Variants in SYT1 observed in about 807,000 individuals in gnomAD.
SYT1 encodes synaptotagmin-1.
A neutral mutation model predicts 44.8 loss-of-function variants in SYT1; 8 were observed. That is an observed-to-expected ratio of 0.18 (90% CI 0.10 to 0.32). SYT1 has a LOEUF of 0.32. SYT1 is among the 10% of genes least tolerant of loss of function. The pLI is 1.00. For missense variants in SYT1, 286 were observed against 509.3 expected, an observed-to-expected ratio of 0.56 and a Z score of 4.22; for synonymous variants, 154 against 188.8, an observed-to-expected ratio of 0.82 and a Z score of 1.51.
At chr12:79,033,320 G>A (rs1170671312) in intron 2 of SYT1, among the ~76,000 whole-genome samples, 4 of 151,262 alleles carry the variant, frequency 2.6e-5, no homozygotes, top group Non-Finnish European at 4.4e-5. Context: ...GCACCCAATT[G>A]CTTCCTCTAG....
intron 3 of SYT1, among the ~76,000 whole-genome samples, chr12:79,161,176 G>C (rs1020936854): frequency 6.6e-6 from 1 of 152,146 alleles, no homozygotes; most frequent in African/African-American, 2.4e-5. Flanking sequence ...GGAGGCAAAG[G>C]TTGTAGTGAG....
intron 8 of SYT1, among the ~76,000 whole-genome samples, chr12:79,304,676 T>C (rs1409956339): frequency 1.3e-5 from 2 of 152,112 alleles, no homozygotes; most frequent in African/African-American, 4.8e-5. Flanking sequence ...GCCTACATCA[T>C]GGAAATTGAT....
intron 1 of SYT1, among the ~76,000 whole-genome samples, chr12:78,960,104 A>G (rs1024152220): frequency 6.6e-6 from 1 of 152,196 alleles, no homozygotes; most frequent in African/African-American, 2.4e-5. Context: ...TACATTAGTG[A>G]AGAAATTTAA....
intron 1 of SYT1, among the ~76,000 whole-genome samples, chr12:78,920,620 T>C (rs1876930546): frequency 6.6e-6 from 1 of 151,974 alleles, no homozygotes; most frequent in African/African-American, 2.4e-5. Context: ...CATAACCACA[T>C]TGAGAATAGA....
At position 79,371,798 on chromosome 12, in the gene SYT1, A is replaced by T. The variant is rs1250737357; in HGVS notation, c.928+18179A>T. ...GAGATAAAAAGTTTCATAGCATCTT[A>T]CCTTTTTCTTTTCTGCCCCTCCTTT... is the stretch of plus-strand genomic sequence containing the variant. On this transcript the variant is annotated intron_variant, in intron 9 of 10. Transcript: ENST00000261205. Among the ~76,000 whole-genome samples the T allele has an allele frequency of 3.3e-5, 5 of 152,280 alleles. No homozygotes were observed. The East Asian group carries it at 9.7e-4, about 29-fold the overall frequency.
rs771905815 is a variant in SYT1, at chr12:79,285,991, TTTC to T, written c.351+26_351+28del. 1.1e-5 allele frequency: 17 copies of T among 1,574,884 alleles called. No homozygotes were observed. The highest frequency in any genetic ancestry group is 2.4e-5 in the South Asian group (2 of 83,038). ...GATCAGGTAATGTATTCTTTCTACA[TTTC>T]TTCTTATTTTGTTTAAAAAAGATAA... On this transcript the variant is annotated intron_variant, in intron 5 of 10. Coordinates refer to ENST00000261205, the MANE Select transcript of SYT1 (RefSeq NM_005639.3).
At chr12:78,871,382 TG>T (rs1873812424) in intron 1 of SYT1, among the ~76,000 whole-genome samples, 2 of 152,030 alleles carry the variant, frequency 1.3e-5, no homozygotes, top group Admixed American at 1.3e-4. Context: ...TTGAATTGTC[TG>T]CTCTCTCTTT....
chr12:79,240,780 C>T (rs1183026207), intron 4 of SYT1, among the ~76,000 whole-genome samples: 1 of 152,194 alleles, frequency 6.6e-6, no homozygotes, highest in Non-Finnish European at 1.5e-5. Flanking sequence ...GCTAGCTTGA[C>T]ACATTCATTT....
intron 4 of SYT1, among the ~76,000 whole-genome samples, chr12:79,276,817 A>G (rs1878756442): frequency 6.6e-6 from 1 of 152,064 alleles, no homozygotes; most frequent in African/African-American, 2.4e-5. Flanking sequence ...TTTTAAGTTA[A>G]CCCAATCAGA....
At chr12:79,433,878 C>G (rs1214972780) in intron 9 of SYT1, among the ~76,000 whole-genome samples, 1 of 152,142 alleles carries the variant, frequency 6.6e-6, no homozygotes, top group Non-Finnish European at 1.5e-5. Flanking sequence ...GTGCTCCAAC[C>G]CTCACACTGA....
intron 4 of SYT1, among the ~76,000 whole-genome samples, chr12:79,274,144 T>C (rs1162899233): frequency 6.6e-6 from 1 of 152,194 alleles, no homozygotes; most frequent in East Asian, 1.9e-4. Flanking sequence ...TAATCTCAAG[T>C]GGGGATGAAC....
At chr12:79,249,387 A>AG (rs1272363672) in intron 4 of SYT1, among the ~76,000 whole-genome samples, 4 of 150,948 alleles carry the variant, frequency 2.6e-5, no homozygotes, top group Non-Finnish European at 4.4e-5. Flanking sequence ...TACAGGCTTG[A>AG]GCCACCGCGC....
intron 4 of SYT1, among the ~76,000 whole-genome samples, chr12:79,255,117 G>A (rs1216209337): frequency 6.6e-6 from 1 of 152,166 alleles, no homozygotes; most frequent in African/African-American, 2.4e-5. Context: ...AGTATCACAG[G>A]CTGCAGAGAA....
chr12:79,179,544 G>GATAT (rs879668657), intron 3 of SYT1, among the ~76,000 whole-genome samples: 2,679 of 24,178 alleles, frequency 0.11, 173 homozygotes, highest in African/African-American at 0.25. Flanking sequence ...TATAGATATA[G>GATAT]AGATATAGAT....
intron 3 of SYT1, among the ~76,000 whole-genome samples, chr12:79,059,046 G>C (rs1875175762): frequency 6.6e-6 from 1 of 151,956 alleles, no homozygotes; most frequent in Admixed American, 6.6e-5. Context: ...CACATAGCTG[G>C]GGAGGCCTCA....
In SYT1 at chr12:79,451,495, G is replaced by T. The variant is rs1871056818; in HGVS notation, c.*2371G>T. The T allele has an allele frequency of 6.6e-6, 1 of 152,196 alleles. No individual in the cohort carries two copies. Among genetic ancestry groups the T allele is most frequent in the South Asian group, 2.1e-4 (1 of 4,830 alleles). 9.4% of individuals were successfully genotyped at this position (152,196 alleles called of 1,614,324 possible). A position where few individuals can be genotyped will look rare whatever the true frequency, so the allele number is the denominator to read the frequency against. On this transcript the variant is annotated 3_prime_UTR_variant, in exon 11 of 11. Coordinates refer to ENST00000261205, the MANE Select transcript of SYT1 (RefSeq NM_005639.3). ...ATGAAACCACACTTTCAAACAAGCA[G>T]GTTCAAGCTGCTGAATAGACATTAT...
chr12:79,051,508 C>G (rs917780207), intron 3 of SYT1, among the ~76,000 whole-genome samples: 2 of 151,150 alleles, frequency 1.3e-5, no homozygotes, highest in African/African-American at 4.9e-5. Context: ...ATAACATATG[C>G]ACATTAAGTT....
At position 79,429,712 on chromosome 12, in the gene SYT1, G is replaced by A. The variant is rs112207491; in HGVS notation, c.929-14361G>A. 7.2e-5 allele frequency among the ~76,000 whole-genome samples: 11 copies of A among 152,176 alleles called. 1 individual carries two copies. The highest frequency in any genetic ancestry group is 2.2e-4 in the African/African-American group (9 of 41,516). ...CCCTGCTAATTTTTTTGTACTTTTA[G>A]TAGAGACGGGGTTTCACCGTGTTAG... On this transcript the variant is annotated intron_variant, in intron 9 of 10. Transcript: ENST00000261205.
chr12:79,041,351 G>A (rs1300481046), intron 2 of SYT1, among the ~76,000 whole-genome samples: 2 of 152,160 alleles, frequency 1.3e-5, no homozygotes, highest in African/African-American at 4.8e-5. Context: ...TCCCCTGTAA[G>A]TTGGATTCCT....
Sources: allele counts gnomAD v4.1 joint callset (sites outside exome capture counted in the v4.1 genomes callset), GRCh38; gene constraint gnomAD v4.1.1; transcripts MANE v1.5; gene names NCBI Gene and HGNC (gene_info 2026-07-23, HGNC 2026-07-21).